SIGLEC1: variants seen among roughly 807,000 people sequenced by gnomAD.
SIGLEC1 encodes sialoadhesin.
SIGLEC1 carries 132 observed loss-of-function variants against 148.0 expected under a neutral mutation model. The observed-to-expected ratio is 0.89, with a 90% CI of 0.77 to 1.03. SIGLEC1 has a LOEUF of 1.03. Ranked by LOEUF, SIGLEC1 falls within the 50% of genes least tolerant of loss-of-function variation. The probability of loss-of-function intolerance (pLI) is 0.00; values close to 1 mark genes in which losing one functional copy is unlikely to be tolerated. For synonymous variants in SIGLEC1, 945 were observed against 969.0 expected, an observed-to-expected ratio of 0.98 and a Z score of 0.46; for missense variants, 2,253 against 2,271.4, an observed-to-expected ratio of 0.99 and a Z score of 0.16.
At chr20:3,689,515 C>T (rs2088733621) in intron 20 of SIGLEC1, 85 bp downstream of exon 20, 1 of 948,172 alleles carries the variant, frequency 1.1e-6, no homozygotes, top group Non-Finnish European at 1.6e-6. Context: ...ATAGGAGGTC[C>T]TAAAGGACCT....
chr20:3,703,246 C>A lies in SIGLEC1; in HGVS notation c.1179G>T (p.Gln393His), dbSNP rs199806891. 1 of 1,614,234 alleles carries A rather than the reference C, an allele frequency of 6.2e-7. No individual in the cohort carries two copies. Among genetic ancestry groups the A allele is most frequent in the East Asian group, 2.2e-5 (1 of 44,892 alleles). The change falls in exon 6 of 22, where the codon CAG becomes CAT. Residue 393 changes from glutamine (Q) to histidine (H), a missense_variant. Physicochemically the swap from Gln to His is conservative, Grantham distance 24. Coordinates refer to ENST00000344754, the MANE Select transcript of SIGLEC1 (RefSeq NM_023068.4). ...ADTGFYFCEV[Q>H]NVHGSERSGP... ...CCGAGCGCTCGCTGCCATGGACGTT[C>A]TGCACCTCACAGAAGTAGAAGCCAG...
chr20:3,689,576 GC>G, intron 20 of SIGLEC1, 23 bp downstream of exon 20: 1 of 1,513,320 alleles, frequency 6.6e-7, no homozygotes, highest in African/African-American at 1.4e-5. Context: ...CAATCTTCTG[GC>G]CCACTCCCAG....
chr20:3,698,328 A>G (rs951534966), intron 8 of SIGLEC1, among the ~76,000 whole-genome samples, 195 bp from the exon 9 acceptor site: 1 of 152,230 alleles, frequency 6.6e-6, no homozygotes, highest in African/African-American at 2.4e-5. Flanking sequence ...TCCTCAAGCT[A>G]AGCTGTGCCC....
At chr20:3,688,771 C>A in intron 21 of SIGLEC1, 152 bp from the exon 22 acceptor site, 1 of 627,366 alleles carries the variant, frequency 1.6e-6, no homozygotes, top group Non-Finnish European at 2.8e-6. Context: ...GGTGAATCAG[C>A]TGCAGAAGGG....
intron 8 of SIGLEC1, among the ~76,000 whole-genome samples, chr20:3,698,390 C>T (rs2087823122): frequency 6.6e-6 from 1 of 152,222 alleles, no homozygotes. Context: ...CTAGCTCAGA[C>T]AAAGGTGCTG....
chr20:3,703,243 G>A lies in SIGLEC1; in HGVS notation c.1182C>T (p.Asn394=), dbSNP rs752884604. The change falls in exon 6 of 22, where the codon AAC becomes AAT. Residue 394 remains asparagine (N), a synonymous_variant. Transcript: ENST00000344754. ...GGCCCGAGCGCTCGCTGCCATGGAC[G>A]TTCTGCACCTCACAGAAGTAGAAGC... ...DTGFYFCEVQ[N]VHGSERSGPV... 15 of 1,614,168 alleles carry A rather than the reference G, an allele frequency of 9.3e-6. No homozygotes were observed. Among genetic ancestry groups the A allele is most frequent in the Admixed American group, 6.7e-5 (4 of 60,024 alleles).
At chr20:3,708,786 G>A (rs559462763) in intron 1 of SIGLEC1, among the ~76,000 whole-genome samples, 1 of 152,158 alleles carries the variant, frequency 6.6e-6, no homozygotes, top group Non-Finnish European at 1.5e-5. Flanking sequence ...GGTGGCTCAC[G>A]CCTGTAATCC....
Position 3,707,225 on chromosome 20 carries a change from G to A in SIGLEC1, c.-97C>T. ...TCCAGGGACACCTCTGGGCACTTTA[G>A]CCCCAGCACCTGCTAGAAGTCCGAG... On this transcript the variant is annotated 5_prime_UTR_variant, in exon 2 of 22. Transcript: ENST00000344754. 1 of 1,091,304 alleles carries A rather than the reference G, an allele frequency of 9.2e-7. No individual in the cohort carries two copies. Among genetic ancestry groups the A allele is most frequent in the Non-Finnish European group, 1.4e-6 (1 of 723,308 alleles). 67.6% of individuals were successfully genotyped at this position (1,091,304 alleles called of 1,614,324 possible).
At position 3,691,498 on chromosome 20, in the gene SIGLEC1, G is replaced by C. The variant is rs376064030; in HGVS notation, c.4433C>G (p.Thr1478Ser). The change falls in exon 18 of 22, where the codon ACC (threonine) becomes AGC (serine). Residue 1478 changes from threonine (T) to serine (S), a missense_variant. Physicochemically the swap from Thr to Ser is moderately conservative, Grantham distance 58. Coordinates refer to ENST00000344754, the MANE Select transcript of SIGLEC1 (RefSeq NM_023068.4). The part of the protein sequence containing the change: ...LGGPGPVGNS[T>S]FAWFWNDRRL... ...CCGGTCATTCCAGAACCATGCAAAG[G>C]TGGAGTTGCCCACAGGCCCAGGGCC... The C allele has an allele frequency of 1.2e-6, 2 of 1,613,314 alleles. No individual in the cohort carries two copies. The highest frequency in any genetic ancestry group is 2.2e-5 in the South Asian group (2 of 91,090).
rs775323688 is a variant in SIGLEC1 at position 3,697,341 on chromosome 20, G to A, written c.2124C>T (p.Ala708=). 2.7e-5 allele frequency: 44 copies of A among 1,613,258 alleles called. No homozygotes were observed. Among genetic ancestry groups the A allele is most frequent in the Admixed American group, 2.2e-4 (13 of 60,024 alleles). Residue 708 remains alanine (A), a splice_region_variant and synonymous_variant, in exon 10 of 22, where the codon GCC becomes GCT. Transcript: ENST00000344754. ...ASTSATFNGQ[A]TVLAIAPSHT... is the part of the protein sequence containing the mutation. ...GTGATGGTGCAATGGCCAGGACAGT[G>A]GCTGGAGAGCAGGCGGCACAGCTTA...
chr20:3,701,167 C>T (rs1458059052), intron 7 of SIGLEC1, among the ~76,000 whole-genome samples, 175 bp downstream of exon 7: 1 of 152,150 alleles, frequency 6.6e-6, no homozygotes, highest in Non-Finnish European at 1.5e-5. Flanking sequence ...CCCTTTTTCC[C>T]TTGACTTCCA....
At chr20:3,696,123 T>C (rs1171602826) in intron 11 of SIGLEC1, among the ~76,000 whole-genome samples, 1 of 108,684 alleles carries the variant, frequency 9.2e-6, no homozygotes, top group South Asian at 2.9e-4. Flanking sequence ...ATAGAGACTA[T>C]ATATATACAC....
chr20:3,697,854 C>T lies in SIGLEC1; in HGVS notation c.2066G>A (p.Cys689Tyr), dbSNP rs530574937. ...GTTGCCCAGGGCATTGCTGGCCTCACAGAGGTACAAGCCCTCCTCTTCCAG... is the reference window on the plus strand; with the variant it reads ...GTTGCCCAGGGCATTGCTGGCCTCATAGAGGTACAAGCCCTCCTCTTCCAG... ...PLLEEEGLYL[C>Y]EASNALGNAS... The change falls in exon 9 of 22, where the codon TGT becomes TAT. Residue 689 changes from cysteine to tyrosine, a missense_variant. By Grantham distance (194) the Cys-to-Tyr change is radical. Coordinates refer to ENST00000344754, the MANE Select transcript of SIGLEC1 (RefSeq NM_023068.4). The T allele has an allele frequency of 6.2e-7, 1 of 1,613,074 alleles. No individual in the cohort carries two copies. Among genetic ancestry groups the T allele is most frequent in the South Asian group, 1.1e-5 (1 of 91,070 alleles).
Position 3,703,318 on chromosome 20 carries a change from A to G in SIGLEC1, c.1107T>C (p.Asp369=), listed in dbSNP as rs2087866645. The change falls in exon 6 of 22, where the codon GAT becomes GAC. Residue 369 remains aspartate, a synonymous_variant. Transcript: ENST00000344754. ...SWYKNHVLLE[D]AHSHTLRLHL... is the part of the protein sequence containing the mutation. ...GCAGCCGGAGGGTATGGGAGTGGGCATCCTCCAGCAGGACATGGTTCTTGT... is the reference window on the plus strand; with the variant it reads ...GCAGCCGGAGGGTATGGGAGTGGGCGTCCTCCAGCAGGACATGGTTCTTGT... 1.2e-6 allele frequency: 2 copies of G among 1,614,170 alleles called. No individual in the cohort carries two copies. The highest frequency in any genetic ancestry group is 1.7e-6 in the Non-Finnish European group (2 of 1,180,004).
chr20:3,703,846 G>A lies in SIGLEC1; in HGVS notation c.952C>T (p.Pro318Ser). ...ENGVGSLVSP[P>S]ISLHIFMAEV... ...TCACTGAAGATGTGGAGGCTGATGG[G>A]GGGTGAGACCAAAGAGCCCACGCCG... Residue 318 changes from proline to serine, a missense_variant, in exon 5 of 22, where the codon CCC becomes TCC. Pro to Ser is a moderately conservative substitution (Grantham distance 74, BLOSUM62 -1). Coordinates refer to ENST00000344754, the MANE Select transcript of SIGLEC1 (RefSeq NM_023068.4). The A allele has an allele frequency of 6.2e-7, 1 of 1,614,034 alleles. No homozygotes were observed.
chr20:3,690,288 T>C, intron 18 of SIGLEC1, 24 bp from the exon 19 acceptor site: 1 of 1,515,840 alleles, frequency 6.6e-7, no homozygotes, highest in Non-Finnish European at 8.9e-7. Context: ...GGGAGTGTGG[T>C]GATTGCAGAC....
At position 3,703,852 on chromosome 20, in the gene SIGLEC1, A is replaced by G; in HGVS notation, c.946T>C (p.Ser316Pro). The G allele has an allele frequency of 1.9e-6, 3 of 1,614,056 alleles. No individual in the cohort carries two copies. The highest frequency in any genetic ancestry group is 2.5e-6 in the Non-Finnish European group (3 of 1,180,016). ...QAENGVGSLVSPPISLHIFMA... is the reference protein window; with the variant it reads ...QAENGVGSLVPPPISLHIFMA... ...AAGATGTGGAGGCTGATGGGGGGTG[A>G]GACCAAAGAGCCCACGCCGTTCTCA... is the stretch of plus-strand genomic sequence containing the variant. The change falls in exon 5 of 22, where the codon TCA becomes CCA. Residue 316 changes from serine to proline, a missense_variant. Physicochemically the swap from Ser to Pro is moderately conservative, Grantham distance 74. Transcript: ENST00000344754.
At position 3,706,521 on chromosome 20, in the gene SIGLEC1, C is replaced by T. The variant is rs750215078; in HGVS notation, c.235G>A (p.Val79Met). 6 of 1,613,336 alleles carry T rather than the reference C, an allele frequency of 3.7e-6. No individual in the cohort carries two copies. In the Admixed American group the frequency reaches 5.0e-5, roughly 13 times the overall value. Residue 79 changes from valine to methionine, a missense_variant, in exon 3 of 22, where the codon GTG (valine) becomes ATG (methionine). Val to Met is a conservative substitution (Grantham distance 21). Transcript: ENST00000344754. ...VVSHSADPKL[V>M]EARFRGRTEF... ...GTGCGGCCGCGGAAGCGGGCCTCCA[C>T]CAGCTTGGGGTCCGCCGAGTGGCTC...
At chr20:3,700,421 A>AT (rs568517493) in intron 7 of SIGLEC1, among the ~76,000 whole-genome samples, 46 of 146,156 alleles carry the variant, frequency 3.1e-4, no homozygotes, top group South Asian at 8.7e-4. Context: ...CCTGGCCACA[A>AT]TTTTTTTTTT....
Sources: gnomAD v4.1 joint callset for allele counts (sites outside exome capture counted in the v4.1 genomes callset) on GRCh38, gnomAD v4.1.1 for gene constraint, MANE v1.5 for transcripts, NCBI Gene and HGNC (gene_info 2026-07-23, HGNC 2026-07-21) for gene names.